DLG2: variants seen among roughly 807,000 people sequenced by gnomAD.
The protein encoded by DLG2 is discs large MAGUK scaffold protein 2.
DLG2 carries 45 observed loss-of-function variants against 132.5 expected under a neutral mutation model. The observed-to-expected ratio is 0.34, with a 90% confidence interval of 0.27 to 0.44. The LOEUF is 0.44. Ranked by LOEUF, DLG2 falls within the 20% of genes least tolerant of loss-of-function variation. The pLI is 1.00. For synonymous variants in DLG2, 424 were observed against 419.6 expected, an observed-to-expected ratio of 1.01 and a Z score of -0.13; for missense variants, 1,045 against 1,196.9, an observed-to-expected ratio of 0.87 and a Z score of 1.87.
chr11:85,514,947 T>C (rs977357950), intron 3 of DLG2, among the ~76,000 whole-genome samples: 1 of 151,950 alleles, frequency 6.6e-6, no homozygotes, highest in Non-Finnish European at 1.5e-5. Flanking sequence ...ATCTATCATC[T>C]TCTTGAATTA....
At chr11:85,142,990 T>A (rs1031998830) in intron 5 of DLG2, among the ~76,000 whole-genome samples, 1 of 151,828 alleles carries the variant, frequency 6.6e-6, no homozygotes, top group Non-Finnish European at 1.5e-5. Context: ...TCTATGTTCA[T>A]CAGAGATATT....
At chr11:85,483,893 A>T (rs1270769396) in intron 3 of DLG2, among the ~76,000 whole-genome samples, 2 of 106,284 alleles carry the variant, frequency 1.9e-5, no homozygotes, top group Non-Finnish European at 4.0e-5. Flanking sequence ...GCAGTGAGCC[A>T]AAAAAAAAAA....
chr11:84,274,625 G>C lies in DLG2; in HGVS notation c.520-23334C>G, dbSNP rs148875238. 2.8e-3 allele frequency among the ~76,000 whole-genome samples: 424 copies of C among 152,320 alleles called. 1 individual carries two copies. The highest frequency in any genetic ancestry group is 9.6e-3 in the African/African-American group (398 of 41,566). On this transcript the variant is annotated intron_variant, in intron 7 of 27. Coordinates refer to ENST00000376104, the MANE Select transcript of DLG2 (RefSeq NM_001142699.3). ...TTGTAGTGTTAAAGTCTCAAAGGCT[G>C]ACACCAGGGAAGTTTTCCTCTTACC...
intron 3 of DLG2, among the ~76,000 whole-genome samples, chr11:85,287,532 C>T (rs1436945566): frequency 6.6e-6 from 1 of 152,054 alleles, no homozygotes; most frequent in Non-Finnish European, 1.5e-5. Flanking sequence ...TAGAAAAAGA[C>T]ATGAATCCTT....
At chr11:83,783,944 A>T (rs775418632) in intron 18 of DLG2, among the ~76,000 whole-genome samples, 46 of 152,216 alleles carry the variant, frequency 3.0e-4, no homozygotes, top group Admixed American at 1.3e-4. Flanking sequence ...TCTTTTCCTC[A>T]ACTAGATTAA....
intron 25 of DLG2, among the ~76,000 whole-genome samples, chr11:83,467,837 TAA>T (rs2091413618): frequency 1.6e-5 from 1 of 61,072 alleles, no homozygotes; most frequent in African/African-American, 8.4e-5. Context: ...AATATATAAT[TAA>T]AACATATATA....
intron 3 of DLG2, among the ~76,000 whole-genome samples, chr11:85,496,291 C>T (rs1394151752): frequency 6.6e-6 from 1 of 152,218 alleles, no homozygotes; most frequent in Non-Finnish European, 1.5e-5. Flanking sequence ...TGGAGCATTG[C>T]TCACTGCTAG....
chr11:84,985,088 G>A lies in DLG2; in HGVS notation c.357+126573C>T, dbSNP rs150731151. On this transcript the variant is annotated intron_variant, in intron 6 of 27. Transcript: ENST00000376104. Reference sequence around the variant, plus strand: ...CAGATCATCAAGACAGAAAGTTAACGAAGAAACAATGGACTTAAACTATAC... The same window carrying A: ...CAGATCATCAAGACAGAAAGTTAACAAAGAAACAATGGACTTAAACTATAC... Among the ~76,000 whole-genome samples, 16 of 152,176 alleles carry A rather than the reference G, an allele frequency of 1.1e-4. No individual in the cohort carries two copies. In the East Asian group the frequency reaches 2.3e-3, roughly 22 times the overall value.
intron 18 of DLG2, among the ~76,000 whole-genome samples, chr11:83,752,684 G>A (rs572973799): frequency 9.2e-5 from 14 of 152,312 alleles, no homozygotes; most frequent in African/African-American, 3.1e-4. Flanking sequence ...ATTGTTTTAA[G>A]ATGGGAGAAA....
At chr11:84,805,280 G>T (rs555673067) in intron 6 of DLG2, among the ~76,000 whole-genome samples, 2 of 152,182 alleles carry the variant, frequency 1.3e-5, no homozygotes, top group South Asian at 4.1e-4. Context: ...ATCCCCATTT[G>T]ACAGTGATAA....
chr11:84,914,696 A>G (rs1256397596), intron 6 of DLG2, among the ~76,000 whole-genome samples: 1 of 152,222 alleles, frequency 6.6e-6, no homozygotes, highest in Admixed American at 6.5e-5. Flanking sequence ...CTTTCGAGGC[A>G]CTGGCCTGTC....
chr11:84,666,413 C>T (rs915125538), intron 6 of DLG2, among the ~76,000 whole-genome samples: 36 of 152,182 alleles, frequency 2.4e-4, no homozygotes, highest in Middle Eastern at 6.8e-3. Flanking sequence ...GACTTGACAG[C>T]CTCTCTTTAA....
intron 9 of DLG2, among the ~76,000 whole-genome samples, chr11:84,100,973 C>A (rs1284584688): frequency 6.6e-6 from 1 of 152,074 alleles, no homozygotes; most frequent in Non-Finnish European, 1.5e-5. Flanking sequence ...TGTGTTTATA[C>A]TTCTGATGTT....
chr11:85,216,271 C>A (rs1345229162), intron 4 of DLG2, among the ~76,000 whole-genome samples: 5 of 152,058 alleles, frequency 3.3e-5, no homozygotes, highest in Non-Finnish European at 7.4e-5. Context: ...CAGTCTTGAC[C>A]CCTCCAGACT....
Position 85,537,670 on chromosome 11 carries a change from C to T in DLG2, c.40+60987G>A, listed in dbSNP as rs184091260. On this transcript the variant is annotated intron_variant, in intron 3 of 27. Coordinates refer to ENST00000376104, the MANE Select transcript of DLG2 (RefSeq NM_001142699.3). The stretch of plus-strand genomic sequence containing the variant: ...ACCCACCAGAAGGAATGAACAACTC[C>T]AGATATGCCGCCTTTAAGAGCTGTA... Among the ~76,000 whole-genome samples, 28 of 151,722 alleles carry T rather than the reference C, an allele frequency of 1.8e-4. 1 individual carries two copies. Among genetic ancestry groups the T allele is most frequent in the African/African-American group, 6.3e-4 (26 of 41,172 alleles).
intron 7 of DLG2, among the ~76,000 whole-genome samples, chr11:84,505,460 A>T (rs2099236414): frequency 1.3e-5 from 2 of 152,318 alleles, no homozygotes; most frequent in Middle Eastern, 3.4e-3. Context: ...AGACCTAGTA[A>T]AAATCACTGC....
Position 83,480,542 on chromosome 11 carries a change from G to A in DLG2, c.2293+3587C>T, listed in dbSNP as rs887080047. On this transcript the variant is annotated intron_variant, in intron 22 of 27. Transcript: ENST00000376104. ...GCAAGTAAAAGCCGCAGAGGAGGCT[G>A]CATTAAGAAAACTCAGATAAGATAA... 3 of 1,521,434 alleles carry A rather than the reference G, an allele frequency of 2.0e-6. No homozygotes were observed. In the African/African-American group the frequency reaches 4.2e-5, roughly 21 times the overall value. 94.2% of individuals were successfully genotyped at this position (1,521,434 alleles called of 1,614,324 possible).
intron 6 of DLG2, among the ~76,000 whole-genome samples, chr11:84,983,116 C>G (rs1036839545): frequency 1.3e-5 from 2 of 152,122 alleles, no homozygotes; most frequent in African/African-American, 4.8e-5. Context: ...GAATACAGAT[C>G]ACGGATGGAC....
intron 7 of DLG2, among the ~76,000 whole-genome samples, chr11:84,383,047 A>T (rs1430749265): frequency 1.3e-5 from 2 of 151,870 alleles, no homozygotes; most frequent in Non-Finnish European, 2.9e-5. Context: ...AACTCTGACC[A>T]TGGTGCTTCC....
Sources: gnomAD v4.1 joint callset for allele counts (sites outside exome capture counted in the v4.1 genomes callset) on GRCh38, gnomAD v4.1.1 for gene constraint, MANE v1.5 for transcripts, NCBI Gene and HGNC (gene_info 2026-07-23, HGNC 2026-07-21) for gene names.